MSH3: variants seen among roughly 807,000 people sequenced by gnomAD.
The protein encoded by MSH3 is mutS homolog 3.
A neutral mutation model predicts 123.3 loss-of-function variants in MSH3; 106 were observed. That is an observed-to-expected ratio of 0.86 (90% CI 0.73 to 1.01). The LOEUF (loss-of-function observed/expected upper bound fraction) is 1.01, where lower values mean the gene tolerates loss of function less well. Ranked by LOEUF, MSH3 falls within the 50% of genes least tolerant of loss-of-function variation. The pLI, the probability that MSH3 is intolerant of heterozygous loss-of-function variation, is 0.00. For synonymous variants in MSH3, 515 were observed against 481.4 expected (o/e 1.07, Z -0.91); for missense variants, 1,459 against 1,347.6 (o/e 1.08, Z -1.29).
At chr5:80,817,734 A>G (rs1484150858) in intron 20 of MSH3, among the ~76,000 whole-genome samples, 2 of 152,142 alleles carry the variant, frequency 1.3e-5, no homozygotes, top group Non-Finnish European at 2.9e-5. Flanking sequence ...CTTTATAGAA[A>G]TGTTCCAGCC....
At chr5:80,662,670 T>C (rs750759308) in intron 2 of MSH3, among the ~76,000 whole-genome samples, 2 of 151,872 alleles carry the variant, frequency 1.3e-5, no homozygotes, top group African/African-American at 2.4e-5. Flanking sequence ...CTACTAAAAA[T>C]ACAAAAATTA....
intron 20 of MSH3, among the ~76,000 whole-genome samples, chr5:80,850,186 G>T (rs1052883248): frequency 6.6e-6 from 1 of 152,144 alleles, no homozygotes; most frequent in Admixed American, 6.5e-5. Context: ...ACCTCAGCCT[G>T]GACCTTATTG....
chr5:80,679,464 A>G (rs1037759218), intron 8 of MSH3, among the ~76,000 whole-genome samples: 1 of 152,166 alleles, frequency 6.6e-6, no homozygotes, highest in African/African-American at 2.4e-5. Context: ...ATATTTAATG[A>G]TATTATTTGA....
chr5:80,725,626 A>T (rs32952), intron 9 of MSH3, 61 bp downstream of exon 9: 8 of 1,113,510 alleles, frequency 7.2e-6, no homozygotes, highest in South Asian at 1.2e-5. Context: ...TAAAGGTATT[A>T]GTATGATTCT....
In MSH3 at chr5:80,799,377, G is replaced by A. The variant is rs112514174; in HGVS notation, c.2655+6533G>A. Among the ~76,000 whole-genome samples the A allele has an allele frequency of 3.5e-3, 536 of 152,046 alleles. 2 individuals carry two copies. Among genetic ancestry groups the A allele is most frequent in the African/African-American group, 0.012 (514 of 41,468 alleles). ...ACCTGCTGTTGATTGACATTTTCGAGGAATAAAACACTTTGAAACTACCAA... is the reference window on the plus strand; with the variant it reads ...ACCTGCTGTTGATTGACATTTTCGAAGAATAAAACACTTTGAAACTACCAA... On this transcript the variant is annotated intron_variant, in intron 19 of 23. Transcript: ENST00000265081.
chr5:80,800,195 AT>A (rs923254836), intron 19 of MSH3, among the ~76,000 whole-genome samples: 5 of 152,240 alleles, frequency 3.3e-5, no homozygotes, highest in Admixed American at 3.3e-4. Flanking sequence ...TCTAGTTGTT[AT>A]CCAGCAACAT....
intron 13 of MSH3, among the ~76,000 whole-genome samples, chr5:80,766,159 G>A (rs1017439073): frequency 3.9e-5 from 6 of 152,182 alleles, no homozygotes; most frequent in East Asian, 1.9e-4. Context: ...TAACAGGGCA[G>A]AATCCATATT....
At chr5:80,730,894 ATTT>A (rs59224150) in intron 10 of MSH3, among the ~76,000 whole-genome samples, 4 of 127,780 alleles carry the variant, frequency 3.1e-5, no homozygotes, top group Non-Finnish European at 6.4e-5. Flanking sequence ...ATATATATAT[ATTT>A]TTTTTTTTTT....
chr5:80,795,944 G>A (rs1456998934), intron 19 of MSH3, among the ~76,000 whole-genome samples: 1 of 149,928 alleles, frequency 6.7e-6, no homozygotes, highest in Non-Finnish European at 1.5e-5. Flanking sequence ...CCAGGAGGCC[G>A]CTGCACTCCA....
intron 20 of MSH3, among the ~76,000 whole-genome samples, chr5:80,829,265 G>A (rs1745377818): frequency 2.6e-5 from 4 of 152,162 alleles, no homozygotes; most frequent in Non-Finnish European, 5.9e-5. Context: ...TACTTCCACT[G>A]CAGTGTTGAA....
intron 20 of MSH3, among the ~76,000 whole-genome samples, chr5:80,838,209 G>A (rs530990952): frequency 1.1e-3 from 175 of 152,324 alleles, no homozygotes; most frequent in African/African-American, 4.1e-3. Flanking sequence ...CCAGAAAGTG[G>A]AGATGGTTGG....
chr5:80,752,063 C>G (rs1427885316), intron 12 of MSH3, among the ~76,000 whole-genome samples: 1 of 151,922 alleles, frequency 6.6e-6, no homozygotes, highest in Non-Finnish European at 1.5e-5. Flanking sequence ...GACAAATATC[C>G]TGGACAGTAT....
intron 20 of MSH3, among the ~76,000 whole-genome samples, chr5:80,848,176 G>A (rs1745758860): frequency 2.0e-5 from 3 of 152,222 alleles, no homozygotes. Context: ...GCTGCAGTGA[G>A]CTGTGTTCAT....
chr5:80,670,450 A>C (rs753494924), intron 4 of MSH3, 141 bp downstream of exon 4: 54 of 933,278 alleles, frequency 5.8e-5, no homozygotes, highest in Non-Finnish European at 8.0e-5. Flanking sequence ...ATGTAAAGTA[A>C]AAACTAAAAA....
At chr5:80,715,464 T>A (rs1040792909) in intron 8 of MSH3, 1 of 152,186 alleles carries the variant, frequency 6.6e-6, no homozygotes, top group Non-Finnish European at 1.5e-5. Context: ...TATTTTCTGC[T>A]TAATCCTACT....
At chr5:80,776,408 A>G (rs1242039780) in intron 16 of MSH3, among the ~76,000 whole-genome samples, 2 of 152,192 alleles carry the variant, frequency 1.3e-5, no homozygotes, top group Non-Finnish European at 2.9e-5. Flanking sequence ...GGTGAATGCT[A>G]TGCCTGACAT....
chr5:80,738,355 A>T (rs1199092194), intron 10 of MSH3, among the ~76,000 whole-genome samples: 2 of 152,170 alleles, frequency 1.3e-5, no homozygotes, highest in Non-Finnish European at 2.9e-5. Context: ...TGAAATTACA[A>T]TTCTGTCTTT....
At chr5:80,799,139 A>G (rs1744748088) in intron 19 of MSH3, among the ~76,000 whole-genome samples, 1 of 152,200 alleles carries the variant, frequency 6.6e-6, no homozygotes, top group Non-Finnish European at 1.5e-5. Context: ...GCTGGGTCAC[A>G]GCCAGCCCTC....
intron 8 of MSH3, among the ~76,000 whole-genome samples, chr5:80,697,649 C>T (rs1015221334): frequency 1.3e-5 from 2 of 151,946 alleles, no homozygotes; most frequent in African/African-American, 4.8e-5. Flanking sequence ...ACATTTTCTG[C>T]CACTTGTCAT....
Sources: gnomAD v4.1 joint callset for allele counts (sites outside exome capture counted in the v4.1 genomes callset) on GRCh38, gnomAD v4.1.1 for gene constraint, MANE v1.5 for transcripts, NCBI Gene and HGNC (gene_info 2026-07-23, HGNC 2026-07-21) for gene names.